Variants in GLG1 observed in about 807,000 individuals in gnomAD.
The protein encoded by GLG1 is golgi glycoprotein 1.
A neutral mutation model predicts 160.5 loss-of-function variants in GLG1; 38 were observed. The ratio of observed to expected loss-of-function variants is 0.24; its 90% confidence interval spans 0.18 to 0.31. The LOEUF is 0.31. Among genes scored for constraint, GLG1 ranks in the 10% least tolerant of loss-of-function variants. The probability of loss-of-function intolerance (pLI) is 1.00; values close to 1 mark genes in which losing one functional copy is unlikely to be tolerated. For synonymous variants in GLG1, 644 were observed against 543.4 expected, an observed-to-expected ratio of 1.19 and a Z score of -2.57; for missense variants, 1,373 against 1,505.2, an observed-to-expected ratio of 0.91 and a Z score of 1.45.
chr16:74,470,939 T>C (rs762642663), intron 15 of GLG1, among the ~76,000 whole-genome samples: 5 of 152,012 alleles, frequency 3.3e-5, no homozygotes, highest in Admixed American at 1.3e-4. Context: ...GTATTTTCAG[T>C]AGAGACGGAG....
At chr16:74,492,298 C>G (rs2016026548) in intron 7 of GLG1, among the ~76,000 whole-genome samples, 1 of 149,704 alleles carries the variant, frequency 6.7e-6, no homozygotes, top group African/African-American at 2.5e-5. Flanking sequence ...ACTAGGGAGT[C>G]GGAGGTAGCA....
chr16:74,604,108 A>T (rs1958507848), intron 1 of GLG1, among the ~76,000 whole-genome samples: 1 of 152,076 alleles, frequency 6.6e-6, no homozygotes, highest in Admixed American at 6.6e-5. Flanking sequence ...GTGAACTCTC[A>T]AACCCAGAAG....
chr16:74,539,822 A>G (rs2017783916), intron 1 of GLG1, among the ~76,000 whole-genome samples: 1 of 147,594 alleles, frequency 6.8e-6, no homozygotes. Context: ...GTCAAATTAC[A>G]TCTTAGTTTT....
At position 74,462,666 on chromosome 16, in the gene GLG1, T is replaced by C. The variant is rs765717576; in HGVS notation, c.2792-36A>G. 5.0e-6 allele frequency: 8 copies of C among 1,605,010 alleles called. No homozygotes were observed. The African/African-American group carries it at 1.1e-4, about 21-fold the overall frequency. ...AAGCAGTGAGCATGTGACAAAACAT[T>C]CCACCTGATTCACACATTTTTAGAT... On this transcript the variant is annotated intron_variant, in intron 20 of 25. Coordinates refer to ENST00000422840, the MANE Select transcript of GLG1 (RefSeq NM_001145667.2).
intron 4 of GLG1, among the ~76,000 whole-genome samples, chr16:74,497,944 T>C (rs1033353844): frequency 1.3e-5 from 2 of 152,170 alleles, no homozygotes; most frequent in South Asian, 2.1e-4. Context: ...TTCTGAGAGT[T>C]TTCTTAAAAA....
chr16:74,570,134 T>C (rs1416226359), intron 1 of GLG1, among the ~76,000 whole-genome samples: 1 of 152,174 alleles, frequency 6.6e-6, no homozygotes, highest in Non-Finnish European at 1.5e-5. Context: ...TTTTCATTTT[T>C]ATATTAATAA....
chr16:74,467,943 T>C, intron 17 of GLG1, 95 bp from the exon 18 acceptor site: 1 of 779,274 alleles, frequency 1.3e-6, no homozygotes, highest in Non-Finnish European at 2.1e-6. Context: ...TCTTGTCTAG[T>C]GACCCTGGCT....
In GLG1 at chr16:74,571,412, C is replaced by T. The variant is rs899434088; in HGVS notation, c.438+35245G>A. Among the ~76,000 whole-genome samples the T allele has an allele frequency of 7.2e-5, 11 of 152,250 alleles. No homozygotes were observed. The South Asian group carries it at 2.1e-3, about 29-fold the overall frequency. Reference sequence around the variant, plus strand: ...GTTTGGGACCGGGTACAGAGGCTCACGCAAGTAATCCATGTTTTGGGCAAC... The same window carrying T: ...GTTTGGGACCGGGTACAGAGGCTCATGCAAGTAATCCATGTTTTGGGCAAC... On this transcript the variant is annotated intron_variant, in intron 1 of 25. Transcript: ENST00000422840.
chr16:74,529,739 GT>G (rs1319372938), intron 2 of GLG1, among the ~76,000 whole-genome samples: 4 of 133,296 alleles, frequency 3.0e-5, no homozygotes, highest in Non-Finnish European at 4.8e-5. Context: ...CAAATCTCCT[GT>G]TTTTTGGATA....
At chr16:74,472,501 G>C (rs1597237596) in intron 13 of GLG1, 90 bp from the exon 14 acceptor site, 1 of 1,342,572 alleles carries the variant, frequency 7.4e-7, no homozygotes, top group Non-Finnish European at 1.0e-6. Context: ...AGTAATATCT[G>C]ATGGGCAAAT....
In GLG1 at chr16:74,527,885, C is replaced by CT. The variant is rs5817914; in HGVS notation, c.471+4235dup. ...GGGATTACAGGTGCGGTGGTTAATTCTTTTTTTTTTTTTTTTTGAGATGGA... is the reference window on the plus strand; with the variant it reads ...GGGATTACAGGTGCGGTGGTTAATTCTTTTTTTTTTTTTTTTTTGAGATGGA... On this transcript the variant is annotated intron_variant, in intron 2 of 25. Coordinates refer to ENST00000422840, the MANE Select transcript of GLG1 (RefSeq NM_001145667.2). 1.2e-3 allele frequency among the ~76,000 whole-genome samples: 121 copies of CT among 104,938 alleles called. 1 individual carries two copies. Among genetic ancestry groups the CT allele is most frequent in the African/African-American group, 4.2e-3 (116 of 27,636 alleles). The allele number at this position is 104,938 out of a possible 152,430, so 68.8% of individuals were successfully genotyped here.
intron 19 of GLG1, 95 bp from the exon 20 acceptor site, chr16:74,463,574 G>A (rs112948526): frequency 1.4e-5 from 17 of 1,248,374 alleles, no homozygotes; most frequent in African/African-American, 1.0e-4. Flanking sequence ...GAGTCTCACC[G>A]TGTCACCCAG....
chr16:74,552,362 G>A (rs567794808), intron 1 of GLG1: 2 of 589,592 alleles, frequency 3.4e-6, no homozygotes, highest in African/African-American at 3.7e-5. Flanking sequence ...CCTGGCAGAA[G>A]ACAAGAATGT....
Position 74,449,820 on chromosome 16 carries a change from G to T in GLG1, c.*3347C>A, listed in dbSNP as rs533835304. On this transcript the variant is annotated 3_prime_UTR_variant, in exon 26 of 26. Transcript: ENST00000422840. The stretch of plus-strand genomic sequence containing the variant: ...CCGGGGGTGATCCCAAGCCTATGGA[G>T]TGCATGGCTCCCCTGCCGGTGCTTC... 287 of 152,436 alleles carry T rather than the reference G, an allele frequency of 1.9e-3. 4 individuals carry two copies. In the South Asian group the frequency reaches 0.025, roughly 13 times the overall value. 9.4% of individuals were successfully genotyped at this position (152,436 alleles called of 1,614,324 possible). A position where few individuals can be genotyped will look rare whatever the true frequency, so the allele number is the denominator to read the frequency against.
At chr16:74,460,906 G>C (rs1194694338) in intron 22 of GLG1, among the ~76,000 whole-genome samples, 1 of 152,218 alleles carries the variant, frequency 6.6e-6, no homozygotes, top group Admixed American at 6.5e-5. Flanking sequence ...GGTCAAACCA[G>C]ACTCTCAACT....
rs1008814048 is a variant in GLG1, at chr16:74,452,346, G to A, written c.*821C>T. 36 of 1,375,612 alleles carry A rather than the reference G, an allele frequency of 2.6e-5. No homozygotes were observed. The highest frequency in any genetic ancestry group is 6.0e-5 in the Admixed American group (2 of 33,428). 85.2% of individuals were successfully genotyped at this position (1,375,612 alleles called of 1,614,324 possible). On this transcript the variant is annotated 3_prime_UTR_variant, in exon 26 of 26. Transcript: ENST00000422840. ...AAGGTTCCTGGGATCCTGCTGCCCC[G>A]GGACTCAGGATCCAGCCTCTCAGTG...
intron 1 of GLG1, among the ~76,000 whole-genome samples, chr16:74,595,703 T>A (rs369162070): frequency 6.6e-6 from 1 of 152,274 alleles, no homozygotes; most frequent in Non-Finnish European, 1.5e-5. Flanking sequence ...GTGCTATTCA[T>A]AAGTATGTGA....
chr16:74,541,444 A>T (rs534991619), intron 1 of GLG1, among the ~76,000 whole-genome samples: 230 of 152,308 alleles, frequency 1.5e-3, no homozygotes, highest in Admixed American at 6.7e-3. Context: ...CAAAATGGAA[A>T]CAAGAATTCT....
chr16:74,476,745 T>C (rs1262505279), intron 12 of GLG1, among the ~76,000 whole-genome samples: 1 of 152,164 alleles, frequency 6.6e-6, no homozygotes, highest in African/African-American at 2.4e-5. Context: ...GCTCCTTCCC[T>C]CTGCTTCCTA....
Sources: allele counts gnomAD v4.1 joint callset (sites outside exome capture counted in the v4.1 genomes callset), GRCh38; gene constraint gnomAD v4.1.1; transcripts MANE v1.5; gene names NCBI Gene and HGNC (gene_info 2026-07-23, HGNC 2026-07-21).